ASB15: variants seen among roughly 807,000 people sequenced by gnomAD.
ASB15 encodes the protein ankyrin repeat and SOCS box protein 15.
ASB15 carries 54 observed loss-of-function variants against 58.0 expected under a neutral mutation model. The ratio of observed to expected loss-of-function variants is 0.93; its 90% confidence interval spans 0.75 to 1.17. The LOEUF is 1.17. Among genes scored for constraint, ASB15 ranks in the 50% most tolerant of loss-of-function variants. The pLI is 0.00. For synonymous variants in ASB15, 249 were observed against 262.4 expected, an observed-to-expected ratio of 0.95 and a Z score of 0.50; for missense variants, 680 against 707.4, an observed-to-expected ratio of 0.96 and a Z score of 0.44.
chr7:123,598,486 T>G (rs1450030907), upstream of ASB15, among the ~76,000 whole-genome samples: 1 of 152,160 alleles, frequency 6.6e-6, no homozygotes, highest in Non-Finnish European at 1.5e-5. Context: ...GAAAATTAAG[T>G]ACTTTGTTCG....
chr7:123,616,258 G>T lies in ASB15; in HGVS notation c.145G>T (p.Glu49Ter). Residue 49 changes from glutamate to a stop codon, truncating the protein, a stop_gained, in exon 5 of 12, where the codon GAG (glutamate) becomes TAG (stop). Coordinates refer to ENST00000451215, the MANE Select transcript of ASB15 (RefSeq NM_001290258.2). LOFTEE classifies it high-confidence loss of function. ...AAGTGCTCAAAACAGAAAACTTGTG[G>T]AGGCCATAAAACAAGGTAAATGGGT... Reference protein sequence around the residue: ...PLSAQNRKLVEAIKQGHIPEL... With the variant: ...PLSAQNRKLV 6.2e-7 allele frequency: 1 copy of T among 1,609,924 alleles called. No homozygotes were observed. The highest frequency in any genetic ancestry group is 8.5e-7 in the Non-Finnish European group (1 of 1,176,424).
At chr7:123,613,157 A>T (rs1326704289) in intron 3 of ASB15, among the ~76,000 whole-genome samples, 2 of 152,138 alleles carry the variant, frequency 1.3e-5, no homozygotes, top group African/African-American at 4.8e-5. Context: ...CATTGAGTTC[A>T]TGCGCAGTCT....
chr7:123,582,279 G>T (rs1283624576), intron 1 of ASB15, among the ~76,000 whole-genome samples: 1 of 151,746 alleles, frequency 6.6e-6, no homozygotes, highest in Non-Finnish European at 1.5e-5. Flanking sequence ...AGATGGGGAG[G>T]GGGGGTTGCA....
chr7:123,575,275 C>CT (rs1401278733), intron 1 of ASB15, among the ~76,000 whole-genome samples: 2 of 152,058 alleles, frequency 1.3e-5, no homozygotes. Flanking sequence ...CACGTTCCTT[C>CT]TTTCTCTCTC....
intron 1 of ASB15, among the ~76,000 whole-genome samples, chr7:123,602,934 A>T (rs1456895712): frequency 6.6e-6 from 1 of 152,136 alleles, no homozygotes; most frequent in African/African-American, 2.4e-5. Context: ...TAGGTAAGTT[A>T]CCTAATGACT....
intron 7 of ASB15, among the ~76,000 whole-genome samples, chr7:123,618,596 T>G (rs1800981186): frequency 1.3e-5 from 2 of 151,938 alleles, no homozygotes; most frequent in African/African-American, 2.4e-5. Flanking sequence ...AAGTTGTCTG[T>G]GTGGCGGGAG....
At chr7:123,609,371 T>C (rs1800318657) in intron 3 of ASB15, among the ~76,000 whole-genome samples, 1 of 152,098 alleles carries the variant, frequency 6.6e-6, no homozygotes, top group Non-Finnish European at 1.5e-5. Context: ...TGTTGCTATC[T>C]AAATTTTAAA....
intron 7 of ASB15, 57 bp from the exon 8 acceptor site, chr7:123,624,512 C>A: frequency 6.7e-7 from 1 of 1,494,860 alleles, no homozygotes; most frequent in Non-Finnish European, 9.2e-7. Context: ...TAGTTTAATA[C>A]CACCTAAGGT....
rs1802505935 is a variant in ASB15, at chr7:123,637,890, A to AAAAAAAAAAAAAAAAAAAAAAAAC, written c.*919_*920insAAAAAAAAAAAAACAAAAAAAAAA. On this transcript the variant is annotated 3_prime_UTR_variant, in exon 12 of 12. Coordinates refer to ENST00000451215, the MANE Select transcript of ASB15 (RefSeq NM_001290258.2). The stretch of plus-strand genomic sequence containing the variant: ...TCCCCAGATGAACTAAAAAAAAAAA[A>AAAAAAAAAAAAAAAAAAAAAAAAC]AAAAAAAAAACCTCTTTCCCGAGCT... 6.7e-6 allele frequency: 1 copy of AAAAAAAAAAAAAAAAAAAAAAAAC among 149,042 alleles called. No homozygotes were observed. The highest frequency in any genetic ancestry group is 1.5e-5 in the Non-Finnish European group (1 of 67,486). The allele number at this position is 149,042 out of a possible 1,614,324, so 9.2% of individuals were successfully genotyped here. A position where few individuals can be genotyped will look rare whatever the true frequency, so the allele number is the denominator to read the frequency against.
chr7:123,602,458 A>G (rs1799929852), intron 1 of ASB15, among the ~76,000 whole-genome samples: 1 of 152,080 alleles, frequency 6.6e-6, no homozygotes, highest in African/African-American at 2.4e-5. Flanking sequence ...AGTCCTTAAA[A>G]TTTATCTGAT....
Position 123,624,774 on chromosome 7 carries a change from G to C in ASB15, c.657G>C (p.Glu219Asp), listed in dbSNP as rs755813829. ...TCACACCACTAGGCGTCGCTGCCGA[G>C]TATGGTCACTGTGACGTGTTAGAAC... Reference protein sequence around the residue: ...FGVTPLGVAAEYGHCDVLEHL... With the variant: ...FGVTPLGVAADYGHCDVLEHL... Residue 219 changes from glutamate to aspartate, a missense_variant, in exon 8 of 12, where the codon GAG (glutamate) becomes GAC (aspartate). Physicochemically the swap from Glu to Asp is conservative, Grantham distance 45. Transcript: ENST00000451215. The C allele has an allele frequency of 5.0e-5, 81 of 1,613,956 alleles. No homozygotes were observed. Among genetic ancestry groups the C allele is most frequent in the Non-Finnish European group, 6.6e-5 (78 of 1,179,960 alleles).
chr7:123,611,334 G>T (rs184294614), intron 3 of ASB15, among the ~76,000 whole-genome samples: 2,083 of 152,020 alleles, frequency 0.014, 25 homozygotes, highest in Non-Finnish European at 0.022. Context: ...TCGCTCTGTC[G>T]CCCAGGCTGG....
chr7:123,623,564 A>G (rs1181079822), intron 7 of ASB15, among the ~76,000 whole-genome samples: 1 of 152,064 alleles, frequency 6.6e-6, no homozygotes, highest in Non-Finnish European at 1.5e-5. Flanking sequence ...ATAATCACCC[A>G]TTAAAAATGT....
At chr7:123,592,775 G>A (rs1445726773) in intron 1 of ASB15, among the ~76,000 whole-genome samples, 1 of 152,166 alleles carries the variant, frequency 6.6e-6, no homozygotes, top group Non-Finnish European at 1.5e-5. Flanking sequence ...ATTTGGGGTG[G>A]AGAGTTCTGT....
chr7:123,627,089 T>G, intron 8 of ASB15, 21 bp from the exon 9 acceptor site: 1 of 1,604,324 alleles, frequency 6.2e-7, no homozygotes, highest in Non-Finnish European at 8.5e-7. Flanking sequence ...GTTATCATTA[T>G]GCCACGTTTT....
rs747504487 is a variant in ASB15, at chr7:123,628,910, A to G, written c.916A>G (p.Lys306Glu). The G allele has an allele frequency of 9.5e-6, 15 of 1,577,150 alleles. No individual in the cohort carries two copies. The Admixed American group carries it at 2.1e-4, about 22-fold the overall frequency. The change falls in exon 10 of 12, where the codon AAA becomes GAA. Residue 306 changes from lysine (K) to glutamate (E), a missense_variant. Lys to Glu is a moderately conservative substitution (Grantham distance 56, BLOSUM62 1). Transcript: ENST00000451215. ...IPVTSKNAIR[K>E]SGLTPIHSAA... Reference sequence around the variant, plus strand: ...AGTAACATCTAAAAATGCAATTCGGAAAAGTGGGCTAACACCAATTCACTC... The same window carrying G: ...AGTAACATCTAAAAATGCAATTCGGGAAAGTGGGCTAACACCAATTCACTC...
At chr7:123,603,653 A>G (rs144539707) in intron 1 of ASB15, among the ~76,000 whole-genome samples, 119 of 152,328 alleles carry the variant, frequency 7.8e-4, no homozygotes, top group African/African-American at 2.8e-3. Flanking sequence ...ATGCTTATTA[A>G]GTCAGCAAAT....
intron 5 of ASB15, 44 bp from the exon 6 acceptor site, chr7:123,616,320 T>C: frequency 6.2e-7 from 1 of 1,609,988 alleles, no homozygotes. Flanking sequence ...AGATTCCACC[T>C]TGCAAAAACA....
intron 1 of ASB15, among the ~76,000 whole-genome samples, chr7:123,595,422 G>A (rs776068604): frequency 3.3e-5 from 5 of 151,972 alleles, no homozygotes; most frequent in African/African-American, 4.8e-5. Context: ...TTTCTGTGTC[G>A]GGTTATTCTT....
Sources: gnomAD v4.1 joint callset for allele counts (sites outside exome capture counted in the v4.1 genomes callset) on GRCh38, gnomAD v4.1.1 for gene constraint, MANE v1.5 for transcripts, NCBI Gene and HGNC (gene_info 2026-07-23, HGNC 2026-07-21) for gene names.